The following VGLL4 variants were observed in gnomAD, a reference collection of about 807,000 sequenced individuals.
VGLL4 encodes transcription cofactor vestigial-like protein 4.
In VGLL4, 7 loss-of-function variants were observed where a neutral mutation model predicts 21.0. The observed-to-expected ratio is 0.33, with a 90% confidence interval of 0.19 to 0.63. The LOEUF is 0.63. VGLL4 is among the 20% of genes least tolerant of loss of function. The pLI is 0.78. For missense variants in VGLL4, 394 were observed against 425.7 expected, an observed-to-expected ratio of 0.93 and a Z score of 0.66; for synonymous variants, 222 against 173.2, an observed-to-expected ratio of 1.28 and a Z score of -2.21.
chr3:11,640,779 G>T (rs983152935), intron 1 of VGLL4, among the ~76,000 whole-genome samples: 1 of 152,128 alleles, frequency 6.6e-6, no homozygotes, highest in African/African-American at 2.4e-5. Context: ...AAGGTAAACG[G>T]CTAAAAAGAT....
chr3:11,633,710 G>C (rs537717857), intron 1 of VGLL4: 18 of 152,372 alleles, frequency 1.2e-4, no homozygotes, highest in African/African-American at 4.3e-4. Context: ...GCAGAGGAGA[G>C]GAGGGTCACT....
chr3:11,674,107 AC>A (rs1317708773), intron 2 of VGLL4, among the ~76,000 whole-genome samples: 1 of 152,002 alleles, frequency 6.6e-6, no homozygotes, highest in Non-Finnish European at 1.5e-5. Context: ...CGCCTCCAAA[AC>A]CCTGAAGAAA....
chr3:11,608,717 A>C (rs2074998750), intron 1 of VGLL4, among the ~76,000 whole-genome samples: 1 of 152,212 alleles, frequency 6.6e-6, no homozygotes, highest in Non-Finnish European at 1.5e-5. Flanking sequence ...TATTTCCTAC[A>C]TTTTAATATT....
chr3:11,659,291 T>C (rs2075999942), intron 2 of VGLL4, among the ~76,000 whole-genome samples: 1 of 129,186 alleles, frequency 7.7e-6, no homozygotes, highest in East Asian at 2.1e-4. Flanking sequence ...TCCTATTTTC[T>C]TTTTTTTTTT....
chr3:11,568,905 C>T lies in VGLL4; in HGVS notation c.273-3886G>A. 1 of 1,295,044 alleles carries T rather than the reference C, an allele frequency of 7.7e-7. No individual in the cohort carries two copies. The highest frequency in any genetic ancestry group is 9.8e-7 in the Non-Finnish European group (1 of 1,017,484). 80.2% of individuals were successfully genotyped at this position (1,295,044 alleles called of 1,614,324 possible). ...CACCCGGCCCCGCCCCGGGCCTCATCCCCATCCTAGGCGGGCACTTCCACT... is the reference window on the plus strand; with the variant it reads ...CACCCGGCCCCGCCCCGGGCCTCATTCCCATCCTAGGCGGGCACTTCCACT... On this transcript the variant is annotated intron_variant, in intron 2 of 4. Transcript: ENST00000430365. The surrounding 1 kb of genome is among the most constrained non-coding windows in gnomAD (Gnocchi z 5.9).
intron 2 of VGLL4, among the ~76,000 whole-genome samples, chr3:11,600,669 G>A (rs924351138): frequency 6.6e-5 from 10 of 152,164 alleles, no homozygotes; most frequent in Non-Finnish European, 1.0e-4. Flanking sequence ...TGACTGGAAC[G>A]AGCGGAATGC....
intron 1 of VGLL4, among the ~76,000 whole-genome samples, chr3:11,641,867 A>G (rs1421655381): frequency 6.6e-6 from 1 of 152,212 alleles, no homozygotes; most frequent in East Asian, 1.9e-4. Context: ...GGAGACAGGA[A>G]AAACTAATCT....
At chr3:11,570,867 C>T (rs2073747197) in intron 2 of VGLL4, among the ~76,000 whole-genome samples, 1 of 152,198 alleles carries the variant, frequency 6.6e-6, no homozygotes, top group Admixed American at 6.5e-5. Context: ...GAACTCATCA[C>T]CGTGGCTTCT....
chr3:11,703,161 G>T, intron 1 of VGLL4: 1 of 897,270 alleles, frequency 1.1e-6, no homozygotes, highest in Non-Finnish European at 1.6e-6. Context: ...ATTCTTCTAA[G>T]GATGAAATTC....
chr3:11,649,685 G>T (rs1272455705), intron 2 of VGLL4, among the ~76,000 whole-genome samples: 1 of 152,108 alleles, frequency 6.6e-6, no homozygotes, highest in African/African-American at 2.4e-5. Context: ...TTTAAGATGG[G>T]GTATCTGTCT....
At chr3:11,620,369 G>A (rs145024139) in intron 1 of VGLL4, among the ~76,000 whole-genome samples, 3 of 152,232 alleles carry the variant, frequency 2.0e-5, no homozygotes, top group East Asian at 1.9e-4. Context: ...CTGCAAGGTC[G>A]GCACAGCCTG....
chr3:11,556,493 TACGAC>T lies in VGLL4; in HGVS notation c.*2058_*2062del. On this transcript the variant is annotated 3_prime_UTR_variant, in exon 5 of 5. Coordinates refer to ENST00000430365, the MANE Select transcript of VGLL4 (RefSeq NM_001128219.3). ...GGTCAGCTGTGGGTGGTTTTCCTGT[TACGAC>T]GCTCAGTAGCCTGTAGCAATAACAA... is the stretch of plus-strand genomic sequence containing the variant. The T allele has an allele frequency of 6.5e-6, 1 of 152,734 alleles. No individual in the cohort carries two copies. The highest frequency in any genetic ancestry group is 1.9e-4 in the East Asian group (1 of 5,310). The allele number at this position is 152,734 out of a possible 1,614,324, so 9.5% of individuals were successfully genotyped here.
Position 11,618,974 on chromosome 3 carries a change from C to T in VGLL4, c.83-16952G>A, listed in dbSNP as rs573651924. ...TGAGAAGCCAGGAAGGGCTGACTCCCTTTGGTATATTTACTTAAGATATAA... is the reference window on the plus strand; with the variant it reads ...TGAGAAGCCAGGAAGGGCTGACTCCTTTTGGTATATTTACTTAAGATATAA... On this transcript the variant is annotated intron_variant, in intron 1 of 4. Transcript: ENST00000430365. Among the ~76,000 whole-genome samples the T allele has an allele frequency of 3.9e-5, 6 of 152,296 alleles. No homozygotes were observed. In the East Asian group the frequency reaches 7.7e-4, roughly 20 times the overall value.
At chr3:11,598,353 G>C (rs1375693067) in intron 2 of VGLL4, among the ~76,000 whole-genome samples, 2 of 152,046 alleles carry the variant, frequency 1.3e-5, no homozygotes, top group Non-Finnish European at 2.9e-5. Context: ...CTGGCTCAGA[G>C]CCACCTGATC....
chr3:11,584,814 T>A (rs1451078704), intron 2 of VGLL4, among the ~76,000 whole-genome samples: 1 of 135,614 alleles, frequency 7.4e-6, no homozygotes, highest in African/African-American at 2.8e-5. Flanking sequence ...AAAAAAAAAA[T>A]GAGGTGGCCC....
intron 1 of VGLL4, among the ~76,000 whole-genome samples, chr3:11,717,715 A>G (rs1340747935): frequency 2.6e-5 from 4 of 152,164 alleles, no homozygotes; most frequent in African/African-American, 7.2e-5. Flanking sequence ...AGATAAAGTC[A>G]TAATTTTAAA....
At position 11,700,463 on chromosome 3, in the gene VGLL4, G is replaced by A. The variant is rs544785676; in HGVS notation, c.64+2508C>T. Among the ~76,000 whole-genome samples the A allele has an allele frequency of 5.9e-5, 9 of 152,264 alleles. No individual in the cohort carries two copies. The South Asian group carries it at 1.0e-3, about 18-fold the overall frequency. On this transcript the variant is annotated intron_variant, in intron 2 of 5. Transcript: ENST00000273038. ...TCAAATCAGCCACTTCTCCAGGGTCGTCACTGCTCCCTACAGTCTTACAGT... is the reference window on the plus strand; with the variant it reads ...TCAAATCAGCCACTTCTCCAGGGTCATCACTGCTCCCTACAGTCTTACAGT...
intron 2 of VGLL4, among the ~76,000 whole-genome samples, chr3:11,599,837 G>A (rs569615969): frequency 2.0e-5 from 3 of 151,562 alleles, no homozygotes; most frequent in Admixed American, 1.3e-4. Context: ...ATTATTTTCT[G>A]AACATTTTAA....
chr3:11,562,463 G>C (rs1367512036), intron 3 of VGLL4, among the ~76,000 whole-genome samples: 1 of 152,178 alleles, frequency 6.6e-6, no homozygotes, highest in Non-Finnish European at 1.5e-5. Flanking sequence ...TGTGGACACA[G>C]AGCTTTGCTG....
Sources: allele counts gnomAD v4.1 joint callset (sites outside exome capture counted in the v4.1 genomes callset), GRCh38; gene constraint gnomAD v4.1.1; non-coding constraint Gnocchi (gnomAD v3.1); transcripts MANE v1.5; gene names NCBI Gene and HGNC (gene_info 2026-07-23, HGNC 2026-07-21).